Variants in MCC observed in about 807,000 individuals in gnomAD.
MCC encodes MCC regulator of Wnt signaling pathway.
A neutral mutation model predicts 116.2 loss-of-function variants in MCC; 90 were observed. The ratio of observed to expected loss-of-function variants is 0.77; its 90% confidence interval spans 0.65 to 0.92. The LOEUF (loss-of-function observed/expected upper bound fraction) is 0.92, where lower values mean the gene tolerates loss of function less well. Among genes scored for constraint, MCC ranks in the 40% least tolerant of loss-of-function variants. The pLI, the probability that MCC is intolerant of heterozygous loss-of-function variation, is 0.00. For missense variants in MCC, 1,516 were observed against 1,312.2 expected (o/e 1.16, Z -2.40); for synonymous variants, 578 against 510.5 (o/e 1.13, Z -1.78).
chr5:113,137,810 G>A (rs1758928548), intron 5 of MCC, among the ~76,000 whole-genome samples: 1 of 152,036 alleles, frequency 6.6e-6, no homozygotes, highest in African/African-American at 2.4e-5. Context: ...TGCTAGTTCG[G>A]AGCATTTACC....
At chr5:113,457,966 C>G (rs1771623920) in intron 1 of MCC, among the ~76,000 whole-genome samples, 1 of 152,044 alleles carries the variant, frequency 6.6e-6, no homozygotes, top group African/African-American at 2.4e-5. Flanking sequence ...TGTCCACACT[C>G]TGTATCTAGC....
chr5:113,225,279 C>G (rs1219238851), intron 3 of MCC, among the ~76,000 whole-genome samples: 1 of 152,138 alleles, frequency 6.6e-6, no homozygotes, highest in African/African-American at 2.4e-5. Flanking sequence ...TAAAATTACC[C>G]TCAACGTATT....
rs1200123059 is a variant in MCC, at chr5:113,434,788, A to C, written c.171-49576T>G. ...ACTTTTGCATAGGAGCCCTCTCCTAAATTTATCCCCAGGAGGTAGCCTCGT... is the reference window on the plus strand; with the variant it reads ...ACTTTTGCATAGGAGCCCTCTCCTACATTTATCCCCAGGAGGTAGCCTCGT... On this transcript the variant is annotated intron_variant, in intron 1 of 18. Transcript: ENST00000408903. The surrounding 1 kb of genome is among the most constrained non-coding windows in gnomAD (Gnocchi z 4.2). 6.2e-7 allele frequency: 1 copy of C among 1,613,440 alleles called. No homozygotes were observed. Among genetic ancestry groups the C allele is most frequent in the South Asian group, 1.1e-5 (1 of 91,076 alleles).
At chr5:113,209,515 G>A (rs1030698479) in intron 3 of MCC, among the ~76,000 whole-genome samples, 5 of 152,106 alleles carry the variant, frequency 3.3e-5, no homozygotes, top group Admixed American at 1.3e-4. Context: ...CCTGATTTCC[G>A]GCAGGCTTTG....
At chr5:113,243,972 G>A (rs575590560) in intron 3 of MCC, among the ~76,000 whole-genome samples, 1 of 152,320 alleles carries the variant, frequency 6.6e-6, no homozygotes, top group Admixed American at 6.5e-5. Flanking sequence ...GCCATGCAAT[G>A]GATTGGAACA....
chr5:113,027,515 A>AT (rs1382266989), intron 18 of MCC, 33 bp from the exon 19 acceptor site: 1 of 1,603,860 alleles, frequency 6.2e-7, no homozygotes, highest in Non-Finnish European at 8.5e-7. Flanking sequence ...TGGTATTAAG[A>AT]TTCATCCTAA....
intron 15 of MCC, among the ~76,000 whole-genome samples, chr5:113,051,306 G>A (rs181121186): frequency 2.6e-5 from 4 of 152,128 alleles, no homozygotes; most frequent in Admixed American, 6.5e-5. Context: ...AAGAATGAGC[G>A]GATGCAAAAA....
At chr5:113,216,880 A>G (rs1046525994) in intron 3 of MCC, among the ~76,000 whole-genome samples, 1 of 152,246 alleles carries the variant, frequency 6.6e-6, no homozygotes, top group South Asian at 2.1e-4. Flanking sequence ...AAACGAAGAC[A>G]ATGAAATAAT....
intron 11 of MCC, among the ~76,000 whole-genome samples, chr5:113,071,928 T>C (rs1366448614): frequency 6.6e-6 from 1 of 152,216 alleles, no homozygotes; most frequent in Non-Finnish European, 1.5e-5. Flanking sequence ...GGTTACACAG[T>C]CTAGCAGCTC....
At chr5:113,403,323 A>G (rs1293282315) in intron 1 of MCC, among the ~76,000 whole-genome samples, 1 of 152,166 alleles carries the variant, frequency 6.6e-6, no homozygotes, top group Non-Finnish European at 1.5e-5. Flanking sequence ...CAGTATTCGT[A>G]AACACTGTAC....
chr5:113,394,474 C>T (rs1769477058), intron 1 of MCC, among the ~76,000 whole-genome samples: 1 of 152,194 alleles, frequency 6.6e-6, no homozygotes, highest in African/African-American at 2.4e-5. Flanking sequence ...CAGAGCATAG[C>T]TGGGCCTACC....
At chr5:113,089,496 A>G (rs1407798147) in intron 8 of MCC, among the ~76,000 whole-genome samples, 1 of 152,272 alleles carries the variant, frequency 6.6e-6, no homozygotes, top group Non-Finnish European at 1.5e-5. Flanking sequence ...TGGTTCAGAT[A>G]GGAAATTATG....
intron 3 of MCC, among the ~76,000 whole-genome samples, chr5:113,217,357 T>G (rs1763363091): frequency 6.6e-6 from 1 of 152,252 alleles, no homozygotes; most frequent in Non-Finnish European, 1.5e-5. Flanking sequence ...TAGCTTGGAA[T>G]GTAATGCACA....
chr5:113,073,559 C>G (rs1754194764), intron 11 of MCC, among the ~76,000 whole-genome samples: 1 of 152,240 alleles, frequency 6.6e-6, no homozygotes, highest in Non-Finnish European at 1.5e-5. Flanking sequence ...GCTTCTTCCC[C>G]TTACTCCATT....
chr5:113,437,147 C>T (rs1319972250), intron 1 of MCC: 1 of 151,684 alleles, frequency 6.6e-6, no homozygotes, highest in African/African-American at 2.4e-5. Context: ...GTTATGTTTA[C>T]TCTTTGTAAT....
intron 2 of MCC, among the ~76,000 whole-genome samples, chr5:113,376,605 A>G (rs1453005656): frequency 6.6e-6 from 1 of 151,768 alleles, no homozygotes; most frequent in Non-Finnish European, 1.5e-5. Flanking sequence ...ACACACACAC[A>G]CATATCAGTA....
chr5:113,286,490 T>A (rs116865553), intron 3 of MCC, among the ~76,000 whole-genome samples: 1 of 152,152 alleles, frequency 6.6e-6, no homozygotes, highest in African/African-American at 2.4e-5. Flanking sequence ...TCACACACCA[T>A]AGATTTTGGT....
At chr5:113,352,688 A>C (rs2416312) in intron 2 of MCC, among the ~76,000 whole-genome samples, 1 of 151,632 alleles carries the variant, frequency 6.6e-6, no homozygotes, top group South Asian at 2.1e-4. Context: ...GAAAGGGTTC[A>C]TGAATGCACT....
intron 3 of MCC, among the ~76,000 whole-genome samples, chr5:113,256,277 G>C (rs1363948351): frequency 6.6e-6 from 1 of 152,118 alleles, no homozygotes; most frequent in Non-Finnish European, 1.5e-5. Context: ...TCCCAGCACT[G>C]CTTATTTCAT....
Sources: gnomAD v4.1 joint callset for allele counts (sites outside exome capture counted in the v4.1 genomes callset) on GRCh38, gnomAD v4.1.1 for gene constraint, Gnocchi (gnomAD v3.1) non-coding constraint, MANE v1.5 for transcripts, NCBI Gene and HGNC (gene_info 2026-07-23, HGNC 2026-07-21) for gene names.